The following PDK1 variants were observed in gnomAD, a reference collection of about 807,000 sequenced individuals.
PDK1 encodes [Pyruvate dehydrogenase (acetyl-transferring)] kinase isozyme 1, mitochondrial.
Under a neutral mutation model 54.2 loss-of-function variants are expected in PDK1, and 39 were observed. The ratio of observed to expected loss-of-function variants is 0.72; its 90% CI spans 0.56 to 0.94. PDK1 has a LOEUF of 0.94. PDK1 is among the 40% of genes least tolerant of loss of function. The probability of loss-of-function intolerance (pLI) is 0.00; values close to 1 mark genes in which losing one functional copy is unlikely to be tolerated. For missense variants in PDK1, 552 were observed against 566.0 expected, an observed-to-expected ratio of 0.98 and a Z score of 0.25; for synonymous variants, 221 against 207.1, an observed-to-expected ratio of 1.07 and a Z score of -0.58.
chr2:172,689,166 C>A, the PDK1 span, among the ~76,000 whole-genome samples: 1 of 151,914 alleles, frequency 6.6e-6, no homozygotes. Flanking sequence ...TACAGAGTGC[C>A]GATTGGTCCA....
the PDK1 span, chr2:172,723,074 C>T: frequency 2.6e-5 from 4 of 151,942 alleles, no homozygotes; most frequent in East Asian, 5.8e-4. Context: ...TCTGATGAAC[C>T]GATGAACTCC....
At chr2:172,620,189 TA>T in the PDK1 span, among the ~76,000 whole-genome samples, 5 of 152,210 alleles carry the variant, frequency 3.3e-5, no homozygotes, top group East Asian at 1.9e-4. Context: ...AAAACTCATT[TA>T]TTTTTTTGAT....
chr2:172,570,695 G>A (rs777057733), intron 7 of PDK1, 31 bp from the exon 8 acceptor site: 1 of 1,283,294 alleles, frequency 7.8e-7, no homozygotes, highest in South Asian at 1.2e-5. Context: ...CTAAAAAGCT[G>A]TATTTTTAAT....
At chr2:172,580,145 C>G (rs1050741469) in intron 8 of PDK1, among the ~76,000 whole-genome samples, 3 of 151,452 alleles carry the variant, frequency 2.0e-5, no homozygotes, top group African/African-American at 7.3e-5. Flanking sequence ...TTGTCCGTTT[C>G]TCTCTCGTTT....
Position 172,608,550 on chromosome 2 carries a change from TC to T in PDK1, c.*12583del, listed in dbSNP as rs1252673220. On this transcript the variant is annotated 3_prime_UTR_variant, in exon 11 of 11. Transcript: ENST00000282077. ...TGCTGTAAGTCTATGTGAAACCAAA[TC>T]CGTGGATTTACCAATGGCCATTTTA... The T allele has an allele frequency of 1.3e-5, 2 of 152,184 alleles. No individual in the cohort carries two copies. The highest frequency in any genetic ancestry group is 4.8e-5 in the African/African-American group (2 of 41,442). 9.4% of individuals were successfully genotyped at this position (152,184 alleles called of 1,614,324 possible).
Position 172,578,511 on chromosome 2 carries a change from T to C in PDK1, c.945+7687T>C, listed in dbSNP as rs115161534. ...GTTTAAAATTTTCTATTTTGAGACA[T>C]CCTTATACTTTAGTTCTTTAGTGTT... On this transcript the variant is annotated intron_variant, in intron 8 of 10. Transcript: ENST00000282077. Among the ~76,000 whole-genome samples, 813 of 152,310 alleles carry C rather than the reference T, an allele frequency of 5.3e-3. 10 individuals are homozygous for C. Among genetic ancestry groups the C allele is most frequent in the African/African-American group, 0.018 (763 of 41,578 alleles).
chr2:172,589,814 A>T (rs1002425095), intron 9 of PDK1, among the ~76,000 whole-genome samples: 1 of 152,198 alleles, frequency 6.6e-6, no homozygotes, highest in Non-Finnish European at 1.5e-5. Context: ...TTTCCCATTT[A>T]TCCAGATGTT....
In PDK1 at chr2:172,591,087, T is replaced by C. The variant is rs572569934; in HGVS notation, c.1057-1848T>C. On this transcript the variant is annotated intron_variant, in intron 9 of 10. Coordinates refer to ENST00000282077, the MANE Select transcript of PDK1 (RefSeq NM_002610.5). ...GGCCAGCGGGTCAGTCCAGGGGTCCTTGATAGAAGTTGTTAGTTGAGTTCA... is the reference window on the plus strand; with the variant it reads ...GGCCAGCGGGTCAGTCCAGGGGTCCCTGATAGAAGTTGTTAGTTGAGTTCA... Among the ~76,000 whole-genome samples, 32 of 152,298 alleles carry C rather than the reference T, an allele frequency of 2.1e-4. 1 individual carries two copies. In the South Asian group the frequency reaches 6.6e-3, roughly 32 times the overall value.
chr2:172,689,323 C>T, the PDK1 span, among the ~76,000 whole-genome samples: 9 of 152,124 alleles, frequency 5.9e-5, no homozygotes, highest in South Asian at 2.1e-4. Flanking sequence ...AGGAGAACTA[C>T]AAACCACTGC....
the PDK1 span, among the ~76,000 whole-genome samples, chr2:172,703,079 C>A: frequency 2.0e-5 from 3 of 152,126 alleles, no homozygotes; most frequent in Non-Finnish European, 4.4e-5. Context: ...TGAATGCCAT[C>A]CCAAGCATCC....
At chr2:172,579,555 G>A (rs1333981218) in intron 8 of PDK1, among the ~76,000 whole-genome samples, 1 of 119,014 alleles carries the variant, frequency 8.4e-6, no homozygotes, top group Non-Finnish European at 1.7e-5. Context: ...TGCTTTGATA[G>A]AGGAGAGACT....
chr2:172,620,457 T>C, the PDK1 span, among the ~76,000 whole-genome samples: 2 of 152,072 alleles, frequency 1.3e-5, no homozygotes, highest in South Asian at 4.2e-4. Context: ...ATATGAAGCC[T>C]GGAGAAGAAA....
At chr2:172,623,836 G>A in the PDK1 span, among the ~76,000 whole-genome samples, 1 of 152,174 alleles carries the variant, frequency 6.6e-6, no homozygotes, top group Non-Finnish European at 1.5e-5. Flanking sequence ...CATAGGATAA[G>A]AGCAGAGCAG....
At chr2:172,695,958 A>T in the PDK1 span, among the ~76,000 whole-genome samples, 1,286 of 152,168 alleles carry the variant, frequency 8.5e-3, 13 homozygotes, top group Non-Finnish European at 0.014. Context: ...GGATCACCTG[A>T]GATCAGAAGT....
At chr2:172,714,376 T>C in the PDK1 span, among the ~76,000 whole-genome samples, 9 of 152,162 alleles carry the variant, frequency 5.9e-5, no homozygotes, top group Non-Finnish European at 4.4e-5. Flanking sequence ...TTGTTCCTGT[T>C]TTCCCTTGAC....
rs1690950989 is a variant in PDK1, at chr2:172,597,400, A to G, written c.*1431A>G. On this transcript the variant is annotated 3_prime_UTR_variant, in exon 11 of 11. Transcript: ENST00000282077. Reference sequence around the variant, plus strand: ...GGATTACAGGCGTGAGCCACCACACATGGCCTATTGCACAAGTCTTGACAA... The same window carrying G: ...GGATTACAGGCGTGAGCCACCACACGTGGCCTATTGCACAAGTCTTGACAA... 1 of 152,188 alleles carries G rather than the reference A, an allele frequency of 6.6e-6. No homozygotes were observed. The highest frequency in any genetic ancestry group is 2.4e-5 in the African/African-American group (1 of 41,444). 9.4% of individuals were successfully genotyped at this position (152,188 alleles called of 1,614,324 possible).
chr2:172,709,429 A>G, the PDK1 span, among the ~76,000 whole-genome samples: 78 of 152,234 alleles, frequency 5.1e-4, no homozygotes, highest in Non-Finnish European at 7.3e-4. Flanking sequence ...TGTTGAAAAA[A>G]GAAATGAAGT....
chr2:172,624,278 G>C, the PDK1 span, among the ~76,000 whole-genome samples: 1 of 151,900 alleles, frequency 6.6e-6, no homozygotes, highest in Non-Finnish European at 1.5e-5. Flanking sequence ...CAGCCCCTGG[G>C]GCCCCATACG....
chr2:172,657,903 G>A, the PDK1 span, among the ~76,000 whole-genome samples: 3 of 152,112 alleles, frequency 2.0e-5, no homozygotes, highest in East Asian at 1.9e-4. Context: ...ACATGATGCC[G>A]GCATCTTCTT....
Sources: allele counts gnomAD v4.1 joint callset (sites outside exome capture counted in the v4.1 genomes callset), GRCh38; gene constraint gnomAD v4.1.1; transcripts MANE v1.5; gene names NCBI Gene and HGNC (gene_info 2026-07-23, HGNC 2026-07-21).